DYNC1I2: variants seen among roughly 807,000 people sequenced by gnomAD.
DYNC1I2 encodes the protein cytoplasmic dynein 1 intermediate chain 2.
Under a neutral mutation model 88.6 loss-of-function variants are expected in DYNC1I2, and 53 were observed. The observed-to-expected ratio is 0.60, with a 90% CI of 0.48 to 0.75. The LOEUF (loss-of-function observed/expected upper bound fraction) is 0.75. DYNC1I2 is among the 30% of genes least tolerant of loss of function. DYNC1I2 has a pLI of 0.00. For synonymous variants in DYNC1I2, 198 were observed against 254.6 expected, an observed-to-expected ratio of 0.78 and a Z score of 2.12; for missense variants, 458 against 766.6, an observed-to-expected ratio of 0.60 and a Z score of 4.75.
At chr2:171,745,992 T>C in intron 17 of DYNC1I2, 65 bp downstream of exon 17, 2 of 1,580,954 alleles carry the variant, frequency 1.3e-6, no homozygotes, top group Non-Finnish European at 1.7e-6. Context: ...AAGGCATCTT[T>C]GTGGCTAACC....
At chr2:171,688,139 C>G (rs898591795) in intron 1 of DYNC1I2, 1 of 152,342 alleles carries the variant, frequency 6.6e-6, no homozygotes, top group South Asian at 2.1e-4. Flanking sequence ...TGGACCGCGC[C>G]CTCTTGGCCG....
At chr2:171,688,841 A>G (rs1182503931) in intron 1 of DYNC1I2, among the ~76,000 whole-genome samples, 1 of 152,158 alleles carries the variant, frequency 6.6e-6, no homozygotes, top group Non-Finnish European at 1.5e-5. Flanking sequence ...ACCTCTGGAA[A>G]TACAGTTTTC....
intron 15 of DYNC1I2, among the ~76,000 whole-genome samples, chr2:171,740,942 A>C (rs1689380873): frequency 6.6e-6 from 1 of 152,164 alleles, no homozygotes; most frequent in African/African-American, 2.4e-5. Flanking sequence ...TATGCCCATT[A>C]GCAGTCACTC....
At chr2:171,710,088 A>G (rs1004275682) in intron 5 of DYNC1I2, among the ~76,000 whole-genome samples, 7 of 149,474 alleles carry the variant, frequency 4.7e-5, no homozygotes, top group Non-Finnish European at 8.9e-5. Flanking sequence ...ATTAATTTTC[A>G]AGAGGGCTGA....
At chr2:171,717,034 A>T (rs1448583628) in intron 7 of DYNC1I2, among the ~76,000 whole-genome samples, 1 of 152,152 alleles carries the variant, frequency 6.6e-6, no homozygotes, top group Non-Finnish European at 1.5e-5. Flanking sequence ...AAATACATTA[A>T]ACTTTTCCTT....
At chr2:171,693,129 C>T (rs182390716) in intron 3 of DYNC1I2, 2 of 430,656 alleles carry the variant, frequency 4.6e-6, no homozygotes, top group African/African-American at 4.0e-5. Context: ...ATTGACTTCT[C>T]TTATTAAATC....
At chr2:171,704,963 G>A (rs1209531985) in intron 3 of DYNC1I2, among the ~76,000 whole-genome samples, 1 of 151,962 alleles carries the variant, frequency 6.6e-6, no homozygotes, top group Non-Finnish European at 1.5e-5. Context: ...GCAAAATGTA[G>A]CTGTGGCTCA....
intron 6 of DYNC1I2, among the ~76,000 whole-genome samples, chr2:171,713,432 G>GT (rs1310259625): frequency 6.8e-6 from 1 of 147,852 alleles, no homozygotes; most frequent in African/African-American, 2.5e-5. Context: ...TTTTTGTTTT[G>GT]TTTTTTGCTT....
At chr2:171,713,314 A>C (rs10930491) in intron 6 of DYNC1I2, among the ~76,000 whole-genome samples, 1 of 151,820 alleles carries the variant, frequency 6.6e-6, no homozygotes, top group Non-Finnish European at 1.5e-5. Flanking sequence ...AAATGAGTGA[A>C]TGAATGGATT....
At chr2:171,704,243 G>A (rs767036161) in intron 3 of DYNC1I2, among the ~76,000 whole-genome samples, 4 of 151,986 alleles carry the variant, frequency 2.6e-5, no homozygotes, top group Non-Finnish European at 5.9e-5. Context: ...GGTAGGAAAG[G>A]CTTTCTTGAT....
intron 17 of DYNC1I2, among the ~76,000 whole-genome samples, chr2:171,747,093 C>G (rs1689834416): frequency 6.6e-6 from 1 of 150,954 alleles, no homozygotes. Context: ...ACTGGGGAGG[C>G]TGAGGCAGGA....
chr2:171,729,692 C>A lies in DYNC1I2; in HGVS notation c.1392-17C>A. 1 of 1,611,614 alleles carries A rather than the reference C, an allele frequency of 6.2e-7. No individual in the cohort carries two copies. Among genetic ancestry groups the A allele is most frequent in the Non-Finnish European group, 8.5e-7 (1 of 1,179,538 alleles). The stretch of plus-strand genomic sequence containing the variant: ...TTATAGGAGACTTCTCTAACATTTT[C>A]ACTTTTATGAAATTAGCAAAGCTGG... On this transcript the variant is annotated splice_polypyrimidine_tract_variant and intron_variant, in intron 14 of 17. Transcript: ENST00000397119.
At chr2:171,690,522 A>AT in intron 2 of DYNC1I2, among the ~76,000 whole-genome samples, 1 of 152,166 alleles carries the variant, frequency 6.6e-6, no homozygotes, top group Non-Finnish European at 1.5e-5. Context: ...ATAAAATATG[A>AT]TTTTTAAAAA....
At chr2:171,705,139 A>G (rs898960102) in intron 3 of DYNC1I2, among the ~76,000 whole-genome samples, 2 of 152,164 alleles carry the variant, frequency 1.3e-5, no homozygotes, top group East Asian at 1.9e-4. Context: ...ATATGGTAGC[A>G]TCACCCTTTT....
In DYNC1I2 at chr2:171,742,060, G is replaced by A. The variant is rs548135946; in HGVS notation, c.1537-1989G>A. 5.3e-5 allele frequency among the ~76,000 whole-genome samples: 7 copies of A among 131,816 alleles called. No homozygotes were observed. In the East Asian group the frequency reaches 1.2e-3, roughly 23 times the overall value. The allele number at this position is 131,816 out of a possible 152,430, so 86.5% of individuals were successfully genotyped here. On this transcript the variant is annotated intron_variant, in intron 15 of 17. Coordinates refer to ENST00000397119, the MANE Select transcript of DYNC1I2 (RefSeq NM_001378.3). ...CAACCTGGGCGACAGAGCGAGACGC[G>A]GTCTCAGAAAAAAAAAAAAAAAAAG...
Position 171,706,555 on chromosome 2 carries a change from GA to G in DYNC1I2, c.237del (p.Glu79AspfsTer15). ...LTPESPIVFS[E>X]YWVPPPMSPS... ...TTGTCTGTACACTTCAGTTTTTTCT[GA>G]ATACTGGGGTAAGGAAGTTCCCATA... On this transcript the variant is annotated frameshift_variant, in exon 4 of 18. Coordinates refer to ENST00000397119, the MANE Select transcript of DYNC1I2 (RefSeq NM_001378.3). LOFTEE classifies it high-confidence loss of function. The G allele has an allele frequency of 6.2e-7, 1 of 1,612,164 alleles. No homozygotes were observed. Among genetic ancestry groups the G allele is most frequent in the South Asian group, 1.1e-5 (1 of 90,938 alleles).
At chr2:171,737,432 G>A (rs112526230) in intron 15 of DYNC1I2, among the ~76,000 whole-genome samples, 14 of 152,046 alleles carry the variant, frequency 9.2e-5, no homozygotes, top group African/African-American at 3.4e-4. Flanking sequence ...GAAAAATATG[G>A]CTTGACTCGT....
At chr2:171,738,914 C>A (rs536827010) in intron 15 of DYNC1I2, among the ~76,000 whole-genome samples, 11 of 151,970 alleles carry the variant, frequency 7.2e-5, no homozygotes, top group Admixed American at 1.3e-4. Context: ...TTTGGGAGGC[C>A]AAGGCAGGTG....
At chr2:171,736,015 C>T (rs1035856639) in intron 15 of DYNC1I2, among the ~76,000 whole-genome samples, 1 of 152,174 alleles carries the variant, frequency 6.6e-6, no homozygotes, top group Non-Finnish European at 1.5e-5. Flanking sequence ...ATTATTCACA[C>T]TTTCTGATAA....
Sources: allele counts gnomAD v4.1 joint callset (sites outside exome capture counted in the v4.1 genomes callset), GRCh38; gene constraint gnomAD v4.1.1; transcripts MANE v1.5; gene names NCBI Gene and HGNC (gene_info 2026-07-23, HGNC 2026-07-21).